Variants in LRRC74A observed in about 807,000 individuals in gnomAD.
The protein encoded by LRRC74A is leucine-rich repeat-containing protein 74A.
LRRC74A carries 44 observed loss-of-function variants against 57.9 expected under a neutral mutation model. The ratio of observed to expected loss-of-function variants is 0.76; its 90% CI spans 0.60 to 0.98. The LOEUF is 0.98. Among genes scored for constraint, LRRC74A ranks in the 50% least tolerant of loss-of-function variants. The pLI is 0.00. For missense variants in LRRC74A, 572 were observed against 574.0 expected, an observed-to-expected ratio of 1.00 and a Z score of 0.04; for synonymous variants, 211 against 219.4, an observed-to-expected ratio of 0.96 and a Z score of 0.34.
intron 13 of LRRC74A, among the ~76,000 whole-genome samples, chr14:76,869,422 A>G (rs1899246165): frequency 6.6e-6 from 1 of 152,064 alleles, no homozygotes; most frequent in Non-Finnish European, 1.5e-5. Flanking sequence ...GATCCTTTTC[A>G]TTTTTGTTTT....
At chr14:76,852,995 A>G (rs1897616866) in intron 8 of LRRC74A, among the ~76,000 whole-genome samples, 1 of 152,088 alleles carries the variant, frequency 6.6e-6, no homozygotes, top group Non-Finnish European at 1.5e-5. Flanking sequence ...GGACAGTTTA[A>G]TTAGTGGGTA....
intron 11 of LRRC74A, among the ~76,000 whole-genome samples, chr14:76,862,771 C>T (rs116045954): frequency 1.0e-3 from 153 of 152,082 alleles, no homozygotes; most frequent in African/African-American, 3.4e-3. Flanking sequence ...GAGGTGGAAC[C>T]GCACACAGCA....
intron 5 of LRRC74A, among the ~76,000 whole-genome samples, chr14:76,839,685 T>C (rs1896616497): frequency 1.3e-5 from 2 of 152,202 alleles, no homozygotes; most frequent in African/African-American, 4.8e-5. Context: ...ATGTCAATTG[T>C]TGTATGGGGT....
intron 5 of LRRC74A, among the ~76,000 whole-genome samples, chr14:76,842,936 G>C (rs956008470): frequency 1.3e-5 from 2 of 152,134 alleles, no homozygotes; most frequent in African/African-American, 4.8e-5. Flanking sequence ...AATAAAAACA[G>C]CATCTAGCAG....
intron 4 of LRRC74A, 69 bp from the exon 5 acceptor site, chr14:76,837,806 G>T (rs1896465465): frequency 2.2e-6 from 2 of 899,586 alleles, no homozygotes; most frequent in Middle Eastern, 2.2e-4. Context: ...AACCACAAAA[G>T]ACATCATTTT....
At chr14:76,851,874 C>G (rs1397122876) in intron 7 of LRRC74A, among the ~76,000 whole-genome samples, 1 of 151,220 alleles carries the variant, frequency 6.6e-6, no homozygotes, top group Non-Finnish European at 1.5e-5. Flanking sequence ...CCATGTTGGC[C>G]AGGGTGGTCT....
chr14:76,862,038 C>T (rs1437122679), intron 11 of LRRC74A, among the ~76,000 whole-genome samples: 2 of 152,210 alleles, frequency 1.3e-5, no homozygotes. Flanking sequence ...ACCTGTTTTG[C>T]AAGGGGAGCA....
rs148310826 is a variant in LRRC74A at position 76,839,976 on chromosome 14, G to A, written c.544+2005G>A. 1.7e-3 allele frequency among the ~76,000 whole-genome samples: 255 copies of A among 152,222 alleles called. 2 individuals carry two copies. Among genetic ancestry groups the A allele is most frequent in the East Asian group, 0.015 (80 of 5,184 alleles). ...GATCTCTTGACCTTGTGATCTGCCC[G>A]CCTCAGCCTCCCAAAGTGCTGGAAT... On this transcript the variant is annotated intron_variant, in intron 5 of 13. Transcript: ENST00000689127.
In LRRC74A at chr14:76,836,308, G is replaced by A; in HGVS notation, c.441G>A (p.Gln147=). ...TGCTACAAGAGAACTACTACCTCCA[G>A]GAGATGGTACTGTGCCCCCCTGTGC... is the stretch of plus-strand genomic sequence containing the variant. ...VEMLQENYYL[Q]EMNISNNHLG... The change falls in exon 4 of 14, where the codon CAG becomes CAA. Residue 147 remains glutamine, a synonymous_variant. Coordinates refer to ENST00000689127, the MANE Select transcript of LRRC74A (RefSeq NM_001385106.1). 2 of 1,606,816 alleles carry A rather than the reference G, an allele frequency of 1.2e-6. No individual in the cohort carries two copies. Among genetic ancestry groups the A allele is most frequent in the Non-Finnish European group, 1.7e-6 (2 of 1,174,096 alleles).
intron 11 of LRRC74A, among the ~76,000 whole-genome samples, chr14:76,864,671 T>C (rs894037094): frequency 3.3e-5 from 5 of 152,186 alleles, no homozygotes; most frequent in East Asian, 1.9e-4. Context: ...CTGACCAACA[T>C]GGTGAAACCC....
chr14:76,847,231 T>C (rs1897166259), intron 7 of LRRC74A, among the ~76,000 whole-genome samples: 1 of 152,218 alleles, frequency 6.6e-6, no homozygotes, highest in Non-Finnish European at 1.5e-5. Context: ...GCATGGAGTG[T>C]TAGTGGCTTT....
At position 76,837,970 on chromosome 14, in the gene LRRC74A, A is replaced by T; in HGVS notation, c.543A>T (p.Ser181=). The T allele has an allele frequency of 6.4e-7, 1 of 1,555,616 alleles. No individual in the cohort carries two copies. Among genetic ancestry groups the T allele is most frequent in the Non-Finnish European group, 8.7e-7 (1 of 1,143,766 alleles). The change falls in exon 5 of 14, where the codon TCA becomes TCT. Residue 181 remains serine, a splice_region_variant and synonymous_variant. Coordinates refer to ENST00000689127, the MANE Select transcript of LRRC74A (RefSeq NM_001385106.1). ...NSSSIWSLEL[S]GNDFKEDSAA... The stretch of plus-strand genomic sequence containing the variant: ...CTTCTATCTGGAGCCTTGAGCTTTC[A>T]GGTGAGCACATGGAAAGGGAGGGAG...
chr14:76,838,661 T>C (rs1353645382), intron 5 of LRRC74A, among the ~76,000 whole-genome samples: 1 of 152,214 alleles, frequency 6.6e-6, no homozygotes, highest in Admixed American at 6.5e-5. Context: ...AAGAAAGGTA[T>C]ATAAAAAAGA....
At chr14:76,856,901 G>A (rs1188062317) in intron 9 of LRRC74A, among the ~76,000 whole-genome samples, 1 of 150,282 alleles carries the variant, frequency 6.7e-6, no homozygotes, top group African/African-American at 2.5e-5. Context: ...GCAGTGAGAT[G>A]GATAGATGGG....
chr14:76,835,318 A>G (rs1896245633), intron 3 of LRRC74A, among the ~76,000 whole-genome samples: 1 of 151,788 alleles, frequency 6.6e-6, no homozygotes, highest in African/African-American at 2.4e-5. Context: ...CCTCATCTCT[A>G]CTCAAAAAAA....
chr14:76,860,874 A>G (rs761979912), intron 11 of LRRC74A, 35 bp downstream of exon 11: 1 of 1,533,806 alleles, frequency 6.5e-7, no homozygotes, highest in East Asian at 2.3e-5. Context: ...GCCTCCAGGG[A>G]GCCCTGGGGA....
chr14:76,828,607 C>T (rs2142189), intron 2 of LRRC74A, 188 bp downstream of exon 2: 234,224 of 808,964 alleles, frequency 0.29, 35,273 homozygotes, highest in South Asian at 0.39. Context: ...GGGAGAGCAG[C>T]TGCAGCTTCC....
chr14:76,828,100 C>G (rs1895708429), intron 1 of LRRC74A, among the ~76,000 whole-genome samples, 191 bp from the exon 2 acceptor site: 1 of 152,210 alleles, frequency 6.6e-6, no homozygotes, highest in Admixed American at 6.5e-5. Flanking sequence ...CTCCCGTAGA[C>G]CCTGCAGCCG....
intron 7 of LRRC74A, among the ~76,000 whole-genome samples, chr14:76,850,861 A>AAAAAAAAAAAAAAAAAAG (rs773711469): frequency 3.1e-5 from 3 of 96,532 alleles, no homozygotes; most frequent in Non-Finnish European, 6.3e-5. Flanking sequence ...AAAAAAAAAA[A>AAAAAAAAAAAAAAAAAAG]AAAGAAAGAA....
Sources: gnomAD v4.1 joint callset for allele counts (sites outside exome capture counted in the v4.1 genomes callset) on GRCh38, gnomAD v4.1.1 for gene constraint, MANE v1.5 for transcripts, NCBI Gene and HGNC (gene_info 2026-07-23, HGNC 2026-07-21) for gene names.